Variants in PLXNC1 observed in about 807,000 individuals in gnomAD.
The protein encoded by PLXNC1 is plexin C1, also known as plexin-C1.
PLXNC1 carries 75 observed loss-of-function variants against 178.2 expected under a neutral mutation model. The ratio of observed to expected loss-of-function variants is 0.42; its 90% CI spans 0.35 to 0.51. PLXNC1 has a LOEUF of 0.51. PLXNC1 is among the 20% of genes least tolerant of loss of function. The pLI, the probability that PLXNC1 is intolerant of heterozygous loss-of-function variation, is 0.02. For synonymous variants in PLXNC1, 790 were observed against 779.9 expected, an observed-to-expected ratio of 1.01 and a Z score of -0.22; for missense variants, 1,503 against 1,984.4, an observed-to-expected ratio of 0.76 and a Z score of 4.61.
chr12:94,298,736 C>A lies in PLXNC1; in HGVS notation c.4179C>A (p.Ala1393=). 6.2e-7 allele frequency: 1 copy of A among 1,613,022 alleles called. No individual in the cohort carries two copies. Among genetic ancestry groups the A allele is most frequent in the Non-Finnish European group, 8.5e-7 (1 of 1,179,774 alleles). The change falls in exon 27 of 31, where the codon GCC becomes GCA. Residue 1393 remains alanine, a synonymous_variant. Transcript: ENST00000258526. ...AIKYFFDFLD[A]QAENKKITDP... Reference sequence around the variant, plus strand: ...AATACTTTTTTGACTTTTTGGACGCCCAGGCTGAAAACAAAAAAATCACAG... The same window carrying A: ...AATACTTTTTTGACTTTTTGGACGCACAGGCTGAAAACAAAAAAATCACAG...
chr12:94,265,870 A>G (rs1252383449), intron 21 of PLXNC1, among the ~76,000 whole-genome samples: 2 of 152,080 alleles, frequency 1.3e-5, no homozygotes, highest in Non-Finnish European at 2.9e-5. Flanking sequence ...TGCTCTTCCT[A>G]AAGAAAGAAA....
Position 94,251,289 on chromosome 12 carries a change from A to G in PLXNC1, c.2779-137A>G, listed in dbSNP as rs552980687. The G allele has an allele frequency of 3.0e-4, 189 of 623,312 alleles. No homozygotes were observed. The Middle Eastern group carries it at 3.3e-3, about 11-fold the overall frequency. 38.6% of individuals were successfully genotyped at this position (623,312 alleles called of 1,614,324 possible). ...AGGACACATAGCTAATCTGCCACAGAAATGAGAGTTGAACTCAGATATCCT... is the reference window on the plus strand; with the variant it reads ...AGGACACATAGCTAATCTGCCACAGGAATGAGAGTTGAACTCAGATATCCT... On this transcript the variant is annotated intron_variant, in intron 14 of 30. Transcript: ENST00000258526.
intron 1 of PLXNC1, 151 bp downstream of exon 1, chr12:94,150,184 C>T (rs1461956163): frequency 1.6e-6 from 1 of 637,512 alleles, no homozygotes; most frequent in Non-Finnish European, 2.6e-6. Context: ...GGGCGGCCGT[C>T]CGAAGGCTCC....
rs1966510400 is a variant in PLXNC1 at position 94,282,407 on chromosome 12, A to C, written c.3879+6A>C. On this transcript the variant is annotated splice_donor_region_variant and intron_variant, in intron 23 of 30. Transcript: ENST00000258526. The stretch of plus-strand genomic sequence containing the variant: ...ACACCATTGGCCACTATGAGGTAAG[A>C]GCAAGACTTGACCCCGTGTCTCCTT... The C allele has an allele frequency of 6.3e-7, 1 of 1,582,698 alleles. No individual in the cohort carries two copies. The highest frequency in any genetic ancestry group is 8.7e-7 in the Non-Finnish European group (1 of 1,151,648).
chr12:94,249,399 G>A (rs1246104134), intron 14 of PLXNC1, among the ~76,000 whole-genome samples: 3 of 152,014 alleles, frequency 2.0e-5, no homozygotes, highest in African/African-American at 7.2e-5. Context: ...CACCTGGCTA[G>A]TTTTTTCTAT....
chr12:94,254,331 T>G, intron 15 of PLXNC1: 3 of 364,134 alleles, frequency 8.2e-6, no homozygotes, highest in South Asian at 6.3e-5. Flanking sequence ...GTTTGGCCCA[T>G]GTAGCCAACT....
chr12:94,212,798 C>T (rs1041302912), intron 5 of PLXNC1, among the ~76,000 whole-genome samples: 2 of 150,454 alleles, frequency 1.3e-5, no homozygotes, highest in African/African-American at 4.9e-5. Flanking sequence ...TGGCTCACTG[C>T]AAGCTCCGCC....
In PLXNC1 at chr12:94,248,399, C is replaced by T. The variant is rs148920054; in HGVS notation, c.2765C>T (p.Ser922Phe). 8 of 1,601,470 alleles carry T rather than the reference C, an allele frequency of 5.0e-6. No homozygotes were observed. Among genetic ancestry groups the T allele is most frequent in the African/African-American group, 1.3e-5 (1 of 74,152 alleles). ...IKTASTIANS[S>F]KKVRVKLGNL... ...ACTGCAAGCACCATTGCCAACTCTT[C>T]TAAGAAAGTTCGGGTAAGTGACCTG... is the stretch of plus-strand genomic sequence containing the variant. Residue 922 changes from serine (S) to phenylalanine (F), a missense_variant, in exon 14 of 31, where the codon TCT becomes TTT. Physicochemically the swap from Ser to Phe is radical, Grantham distance 155. This residue lies in a region of PLXNC1 where 639 missense variants were observed against 979.7 expected (regional missense o/e 0.65). Coordinates refer to ENST00000258526, the MANE Select transcript of PLXNC1 (RefSeq NM_005761.3).
At chr12:94,290,953 A>G (rs1967256544) in intron 23 of PLXNC1, among the ~76,000 whole-genome samples, 1 of 152,112 alleles carries the variant, frequency 6.6e-6, no homozygotes, top group Non-Finnish European at 1.5e-5. Flanking sequence ...TTTGTCTTGT[A>G]ATTTTGTGAA....
chr12:94,174,605 A>T (rs1023565353), intron 2 of PLXNC1, among the ~76,000 whole-genome samples: 7 of 152,190 alleles, frequency 4.6e-5, no homozygotes, highest in Non-Finnish European at 8.8e-5. Context: ...TGGTTATTGA[A>T]GTTTTTGAAT....
At chr12:94,252,381 T>A (rs1964720615) in intron 15 of PLXNC1, among the ~76,000 whole-genome samples, 1 of 152,120 alleles carries the variant, frequency 6.6e-6, no homozygotes, top group African/African-American at 2.4e-5. Context: ...CAGTGAGTTA[T>A]GATCGTGCCA....
intron 6 of PLXNC1, among the ~76,000 whole-genome samples, chr12:94,223,577 A>T (rs1382391149): frequency 6.6e-6 from 1 of 152,242 alleles, no homozygotes; most frequent in African/African-American, 2.4e-5. Context: ...TGGATAGAGC[A>T]TATATGTTTA....
At chr12:94,215,019 C>T (rs1042664066) in intron 5 of PLXNC1, among the ~76,000 whole-genome samples, 4 of 152,200 alleles carry the variant, frequency 2.6e-5, no homozygotes, top group Middle Eastern at 3.4e-3. Context: ...GCCTCAGCCT[C>T]CCGAGTAGCT....
intron 1 of PLXNC1, among the ~76,000 whole-genome samples, chr12:94,151,337 G>A (rs1960954578): frequency 6.6e-6 from 1 of 152,094 alleles, no homozygotes; most frequent in Non-Finnish European, 1.5e-5. Flanking sequence ...AAAACCAGGA[G>A]GTCTTTTGCA....
intron 23 of PLXNC1, among the ~76,000 whole-genome samples, chr12:94,289,200 CCT>C (rs1425708281): frequency 2.5e-4 from 38 of 152,204 alleles, no homozygotes; most frequent in Admixed American, 5.9e-4. Context: ...ATGTGTAGCT[CCT>C]GTTTATTTTG....
At chr12:94,270,293 C>T (rs1371644237) in intron 21 of PLXNC1, among the ~76,000 whole-genome samples, 3 of 152,218 alleles carry the variant, frequency 2.0e-5, no homozygotes, top group Admixed American at 6.5e-5. Flanking sequence ...ATTGGAACAC[C>T]TGTTCATTTC....
At chr12:94,267,329 C>A (rs1325581403) in intron 21 of PLXNC1, among the ~76,000 whole-genome samples, 1 of 152,160 alleles carries the variant, frequency 6.6e-6, no homozygotes, top group Admixed American at 6.5e-5. Context: ...TACATCTGAA[C>A]GTGTTTTCTC....
At chr12:94,181,644 A>G in intron 3 of PLXNC1, 64 bp downstream of exon 3, 2 of 1,355,388 alleles carry the variant, frequency 1.5e-6, no homozygotes, top group Non-Finnish European at 2.1e-6. Context: ...TGATGTCATT[A>G]TCTAGTAGCA....
At chr12:94,258,091 C>T (rs1964904208) in intron 17 of PLXNC1, among the ~76,000 whole-genome samples, 1 of 152,056 alleles carries the variant, frequency 6.6e-6, no homozygotes, top group Admixed American at 6.6e-5. Flanking sequence ...CGCGCCACTG[C>T]ACTCCTGCCC....
Sources: allele counts gnomAD v4.1 joint callset (sites outside exome capture counted in the v4.1 genomes callset), GRCh38; gene constraint gnomAD v4.1.1; regional missense constraint gnomAD v4.1.1; transcripts MANE v1.5; gene names NCBI Gene and HGNC (gene_info 2026-07-23, HGNC 2026-07-21).